The following H2AC12 variants were observed in gnomAD, a reference collection of about 807,000 sequenced individuals.
The protein encoded by H2AC12 is histone H2A type 1-H.
Under a neutral mutation model 5.8 loss-of-function variants are expected in H2AC12, and 9 were observed. That is an observed-to-expected ratio of 1.56 (90% CI 0.94 to 2.71). The LOEUF (loss-of-function observed/expected upper bound fraction) is 2.71. H2AC12 is among the 30% of genes most tolerant of loss of function. The pLI, the probability that H2AC12 is intolerant of heterozygous loss-of-function variation, is 0.00. For missense variants in H2AC12, 232 were observed against 173.1 expected (o/e 1.34, Z -1.91); for synonymous variants, 158 against 78.1 (o/e 2.02, Z -5.39).
rs756741518 is a variant in H2AC12, at chr6:27,147,505, A to G, written c.377A>G (p.Lys126Arg). The change falls in exon 1 of 1, where the codon AAG becomes AGG. Residue 126 changes from lysine (K) to arginine (R), a missense_variant. Coordinates refer to ENST00000377459, the MANE Select transcript of H2AC12 (RefSeq NM_080596.3). ...LLPKKTESHH[K>R]AK ...CCTAAGAAGACTGAGAGCCACCATA[A>G]GGCCAAATAAGGAGCGAGGTTGTGA... 1 of 1,614,042 alleles carries G rather than the reference A, an allele frequency of 6.2e-7. No homozygotes were observed. The highest frequency in any genetic ancestry group is 2.2e-5 in the East Asian group (1 of 44,882).
At position 27,147,372 on chromosome 6, in the gene H2AC12, C is replaced by T; in HGVS notation, c.244C>T (p.Arg82Cys). The T allele has an allele frequency of 6.2e-7, 1 of 1,614,228 alleles. No individual in the cohort carries two copies. Among genetic ancestry groups the T allele is most frequent in the South Asian group, 1.1e-5 (1 of 91,086 alleles). ...CAACAAGAAGACCCGTATCATCCCGCGTCACCTCCAACTGGCCATCCGCAA... is the reference window on the plus strand; with the variant it reads ...CAACAAGAAGACCCGTATCATCCCGTGTCACCTCCAACTGGCCATCCGCAA... ...RDNKKTRIIP[R>C]HLQLAIRNDE... is the part of the protein sequence containing the mutation. Residue 82 changes from arginine (R) to cysteine (C), a missense_variant, in exon 1 of 1, where the codon CGT becomes TGT. By Grantham distance (180) the Arg-to-Cys change is radical (BLOSUM62 -3). Transcript: ENST00000377459.
rs574744122 is a variant in H2AC12 at position 27,147,470 on chromosome 6, C to A, written c.342C>A (p.Ala114=). The change falls in exon 1 of 1, where the codon GCC becomes GCA. Residue 114 remains alanine (A), a synonymous_variant. Transcript: ENST00000377459. ...AQGGVLPNIQ[A]VLLPKKTESH... is the part of the protein sequence containing the mutation. ...GTGGTGTCTTGCCCAATATCCAGGC[C>A]GTGCTGCTGCCTAAGAAGACTGAGA... 2 of 1,614,054 alleles carry A rather than the reference C, an allele frequency of 1.2e-6. No homozygotes were observed. The highest frequency in any genetic ancestry group is 3.3e-5 in the Admixed American group (2 of 59,992).
rs770587188 is a variant in H2AC12, at chr6:27,147,284, G to A, written c.156G>A (p.Leu52=). ...ERVGAGAPVY[L]AAVLEYLTAE... is the part of the protein sequence containing the mutation. ...TTGGAGCCGGCGCGCCAGTGTACCTGGCTGCGGTGCTGGAGTACCTGACCG... is the reference window on the plus strand; with the variant it reads ...TTGGAGCCGGCGCGCCAGTGTACCTAGCTGCGGTGCTGGAGTACCTGACCG... The change falls in exon 1 of 1, where the codon CTG becomes CTA. Residue 52 remains leucine, a synonymous_variant. Transcript: ENST00000377459. The A allele has an allele frequency of 1.1e-5, 18 of 1,614,190 alleles. No homozygotes were observed. The South Asian group carries it at 1.8e-4, about 16-fold the overall frequency.
Sources: gnomAD v4.1 joint callset for allele counts on GRCh38, gnomAD v4.1.1 for gene constraint, MANE v1.5 for transcripts, NCBI Gene and HGNC (gene_info 2026-07-23, HGNC 2026-07-21) for gene names.